The following ARHGEF10L variants were observed in gnomAD, a reference collection of about 807,000 sequenced individuals.
ARHGEF10L encodes Rho guanine nucleotide exchange factor 10 like, also known as rho guanine nucleotide exchange factor 10-like protein.
Under a neutral mutation model 141.2 loss-of-function variants are expected in ARHGEF10L, and 69 were observed. The ratio of observed to expected loss-of-function variants is 0.49; its 90% confidence interval spans 0.40 to 0.60. ARHGEF10L has a LOEUF of 0.60. Ranked by LOEUF, ARHGEF10L falls within the 20% of genes least tolerant of loss-of-function variation. The probability of loss-of-function intolerance (pLI) is 0.00; values close to 1 mark genes in which losing one functional copy is unlikely to be tolerated. For synonymous variants in ARHGEF10L, 711 were observed against 718.5 expected (o/e 0.99, Z 0.17); for missense variants, 1,482 against 1,734.3 (o/e 0.85, Z 2.58).
intron 6 of ARHGEF10L, among the ~76,000 whole-genome samples, chr1:17,605,563 G>A (rs2081092812): frequency 2.4e-5 from 3 of 125,614 alleles, no homozygotes; most frequent in African/African-American, 8.9e-5. Context: ...TAGATGGCGG[G>A]GACTTCAACG....
chr1:17,535,044 T>C (rs1164051114), upstream of ARHGEF10L, among the ~76,000 whole-genome samples: 5 of 152,168 alleles, frequency 3.3e-5, no homozygotes, highest in Admixed American at 6.5e-5. Context: ...TTTATTTCTA[T>C]TATTATATTG....
the ARHGEF10L span, among the ~76,000 whole-genome samples, chr1:17,533,696 C>T: frequency 6.6e-6 from 1 of 152,250 alleles, no homozygotes; most frequent in South Asian, 2.1e-4. Context: ...TGCATCCCAG[C>T]CCCCCTCAAA....
intron 1 of ARHGEF10L, among the ~76,000 whole-genome samples, chr1:17,554,041 G>A (rs768621366): frequency 1.3e-5 from 2 of 152,210 alleles, no homozygotes; most frequent in Non-Finnish European, 2.9e-5. Flanking sequence ...AGGAAGTGCA[G>A]AGGATACGTT....
intron 25 of ARHGEF10L, among the ~76,000 whole-genome samples, chr1:17,657,293 C>T (rs1054826523): frequency 6.6e-6 from 1 of 152,188 alleles, no homozygotes; most frequent in Non-Finnish European, 1.5e-5. Flanking sequence ...GTGCTTAATG[C>T]GTGTGTGTTA....
chr1:17,572,243 G>A (rs1363465545), intron 1 of ARHGEF10L, among the ~76,000 whole-genome samples: 1 of 152,210 alleles, frequency 6.6e-6, no homozygotes, highest in Admixed American at 6.5e-5. Context: ...GCCTTGTACT[G>A]GGTCCATTTT....
At chr1:17,588,849 AGTGTGTGTGTGTGT>A (rs57719075) in intron 4 of ARHGEF10L, among the ~76,000 whole-genome samples, 5 of 20,434 alleles carry the variant, frequency 2.4e-4, no homozygotes, top group Non-Finnish European at 3.6e-4. Context: ...GAGGGTCCCC[AGTGTGTGTGTGTGT>A]GTGTGTGTGT....
chr1:17,582,420 C>T (rs963462821), intron 2 of ARHGEF10L, among the ~76,000 whole-genome samples: 1 of 152,250 alleles, frequency 6.6e-6, no homozygotes, highest in Non-Finnish European at 1.5e-5. Context: ...TGGGTGAACC[C>T]AGCTCTTTGC....
intron 26 of ARHGEF10L, among the ~76,000 whole-genome samples, chr1:17,677,401 C>T (rs970352921): frequency 9.2e-5 from 14 of 152,240 alleles, no homozygotes; most frequent in Non-Finnish European, 1.0e-4. Context: ...CTGGTTTGCA[C>T]GCTCACTCTC....
chr1:17,574,445 A>C (rs937337987), intron 1 of ARHGEF10L, among the ~76,000 whole-genome samples: 26 of 152,328 alleles, frequency 1.7e-4, no homozygotes, highest in African/African-American at 6.0e-4. Context: ...GTTGGTCCTC[A>C]GGGACTGGCA....
chr1:17,675,850 GCAGGTGTGGGTA>G (rs1410830397), intron 26 of ARHGEF10L, among the ~76,000 whole-genome samples: 2 of 150,692 alleles, frequency 1.3e-5, no homozygotes, highest in Non-Finnish European at 3.0e-5. Context: ...AGGTGTGGGT[GCAGGTGTGGGTA>G]CAGGTGTGGG....
At chr1:17,660,896 G>A (rs1361593154) in intron 25 of ARHGEF10L, among the ~76,000 whole-genome samples, 5 of 152,168 alleles carry the variant, frequency 3.3e-5, no homozygotes, top group Admixed American at 2.6e-4. Flanking sequence ...AGGCAGGGGC[G>A]GCTCTCACCA....
chr1:17,546,801 G>A (rs2076932918), intron 1 of ARHGEF10L, among the ~76,000 whole-genome samples: 1 of 152,156 alleles, frequency 6.6e-6, no homozygotes, highest in South Asian at 2.1e-4. Flanking sequence ...TACCCACACG[G>A]GCTCCCTAGG....
chr1:17,596,928 G>A (rs1015205110), intron 4 of ARHGEF10L, among the ~76,000 whole-genome samples: 21 of 152,166 alleles, frequency 1.4e-4, no homozygotes, highest in African/African-American at 4.8e-4. Flanking sequence ...GGTGGCACAC[G>A]GGGACCTACC....
chr1:17,556,662 A>C (rs1346714459), intron 1 of ARHGEF10L, among the ~76,000 whole-genome samples: 1 of 152,092 alleles, frequency 6.6e-6, no homozygotes, highest in Non-Finnish European at 1.5e-5. Flanking sequence ...AGTAATTCTC[A>C]TATGTTAATG....
At chr1:17,590,459 C>A (rs2079434890) in intron 4 of ARHGEF10L, among the ~76,000 whole-genome samples, 1 of 152,112 alleles carries the variant, frequency 6.6e-6, no homozygotes, top group African/African-American at 2.4e-5. Flanking sequence ...TCTTCGCTCC[C>A]CCAACACAGA....
chr1:17,691,316 G>A, intron 27 of ARHGEF10L: 1 of 284,842 alleles, frequency 3.5e-6, no homozygotes, highest in Non-Finnish European at 6.8e-6. Context: ...AGGGGGAGGG[G>A]GAAGGCCCCA....
At chr1:17,522,785 ATCC>A in the ARHGEF10L span, among the ~76,000 whole-genome samples, 49 of 151,778 alleles carry the variant, frequency 3.2e-4, no homozygotes, top group Admixed American at 1.5e-3. Context: ...CTCCATTCAC[ATCC>A]CTCCCCCCTG....
intron 7 of ARHGEF10L, among the ~76,000 whole-genome samples, chr1:17,609,824 G>A (rs908527046): frequency 3.9e-5 from 6 of 152,150 alleles, no homozygotes; most frequent in Admixed American, 3.3e-4. Context: ...GGAACAGCTC[G>A]TTGCTGCTTC....
chr1:17,665,147 A>C (rs776419036), intron 26 of ARHGEF10L, among the ~76,000 whole-genome samples: 1 of 152,216 alleles, frequency 6.6e-6, no homozygotes, highest in Non-Finnish European at 1.5e-5. Flanking sequence ...TCACACCTGC[A>C]GTCCATCCTG....
Sources: gnomAD v4.1 joint callset for allele counts (sites outside exome capture counted in the v4.1 genomes callset) on GRCh38, gnomAD v4.1.1 for gene constraint, MANE v1.5 for transcripts, NCBI Gene and HGNC (gene_info 2026-07-23, HGNC 2026-07-21) for gene names.